The following GPATCH1 variants were observed in gnomAD, a reference collection of about 807,000 sequenced individuals.
GPATCH1 encodes the protein G-patch domain containing 1, also known as G patch domain-containing protein 1.
A neutral mutation model predicts 114.9 loss-of-function variants in GPATCH1; 73 were observed. That is an observed-to-expected ratio of 0.64 (90% confidence interval 0.53 to 0.77). The LOEUF (loss-of-function observed/expected upper bound fraction) is 0.77, where lower values mean the gene tolerates loss of function less well. GPATCH1 is among the 30% of genes least tolerant of loss of function. GPATCH1 has a pLI of 0.00. For synonymous variants in GPATCH1, 391 were observed against 428.4 expected, an observed-to-expected ratio of 0.91 and a Z score of 1.08; for missense variants, 1,058 against 1,144.3, an observed-to-expected ratio of 0.92 and a Z score of 1.09.
At chr19:33,098,625 G>A (rs1204500064) in intron 8 of GPATCH1, among the ~76,000 whole-genome samples, 5 of 152,174 alleles carry the variant, frequency 3.3e-5, no homozygotes, top group Admixed American at 2.0e-4. Context: ...ACCTCTCTGG[G>A]CATTGGAGTC....
At chr19:33,103,637 G>A (rs1319312811) in intron 9 of GPATCH1, among the ~76,000 whole-genome samples, 1 of 152,108 alleles carries the variant, frequency 6.6e-6, no homozygotes, top group Non-Finnish European at 1.5e-5. Flanking sequence ...GAAGGTGGAG[G>A]TTGCAGTGAG....
At chr19:33,111,942 A>G in intron 12 of GPATCH1, 40 bp downstream of exon 12, 7 of 1,485,748 alleles carry the variant, frequency 4.7e-6, no homozygotes, top group Non-Finnish European at 6.5e-6. Flanking sequence ...GAACTTTAAT[A>G]TTAAAGCACT....
chr19:33,105,442 G>GAA (rs1174493899), intron 9 of GPATCH1, among the ~76,000 whole-genome samples: 1 of 147,896 alleles, frequency 6.8e-6, no homozygotes, highest in Non-Finnish European at 1.5e-5. Flanking sequence ...AAAGAAAAAA[G>GAA]AAAGCCCGAA....
chr19:33,115,848 T>C (rs1972911334), intron 15 of GPATCH1, among the ~76,000 whole-genome samples: 1 of 152,236 alleles, frequency 6.6e-6, no homozygotes, highest in African/African-American at 2.4e-5. Context: ...AAATACATTT[T>C]GATAATTTAT....
chr19:33,125,047 T>C, intron 17 of GPATCH1, 58 bp from the exon 18 acceptor site: 1 of 1,545,544 alleles, frequency 6.5e-7, no homozygotes, highest in South Asian at 1.2e-5. Context: ...AGCTTAGTTT[T>C]GGATAGTCTT....
rs1306616489 is a variant in GPATCH1, at chr19:33,095,793, AC to A, written c.590del (p.Pro197LeufsTer19). 1 of 1,611,322 alleles carries A rather than the reference AC, an allele frequency of 6.2e-7. No individual in the cohort carries two copies. The highest frequency in any genetic ancestry group is 8.5e-7 in the Non-Finnish European group (1 of 1,177,708). ...PGVKIYGCAL[P>X]PGSSEGSEGE... ...GAGTCAAAATCTATGGCTGTGCATT[AC>A]CCCCTGGAAGCTCGGAAGGATCTGA... On this transcript the variant is annotated frameshift_variant, in exon 6 of 20. Coordinates refer to ENST00000170564, the MANE Select transcript of GPATCH1 (RefSeq NM_018025.3). LOFTEE classifies it high-confidence loss of function.
At chr19:33,120,382 A>G (rs1345188791) in intron 17 of GPATCH1, among the ~76,000 whole-genome samples, 2 of 146,926 alleles carry the variant, frequency 1.4e-5, no homozygotes, top group African/African-American at 2.5e-5. Context: ...ATAAAAATAT[A>G]AAATATAAAA....
At chr19:33,114,622 A>G (rs1205180924) in intron 15 of GPATCH1, among the ~76,000 whole-genome samples, 1 of 152,176 alleles carries the variant, frequency 6.6e-6, no homozygotes, top group Non-Finnish European at 1.5e-5. Flanking sequence ...TTTTGTGTGA[A>G]TATAAGTTTT....
Position 33,088,111 on chromosome 19 carries a change from ACT to A in GPATCH1, c.74-22_74-21del, listed in dbSNP as rs1491091888. The A allele has an allele frequency of 1.6e-4, 200 of 1,228,016 alleles. No homozygotes were observed. In the African/African-American group the frequency reaches 3.0e-3, roughly 18 times the overall value. 76.1% of individuals were successfully genotyped at this position (1,228,016 alleles called of 1,614,324 possible). ...ATCTCCTCTCTTTTTCATTTAAAAAACTTTTTTTTTTTTTTTTTTTAGGTGAA... is the reference window on the plus strand; with the variant it reads ...ATCTCCTCTCTTTTTCATTTAAAAAATTTTTTTTTTTTTTTTTTAGGTGAA... On this transcript the variant is annotated intron_variant, in intron 1 of 19. Transcript: ENST00000170564.
At chr19:33,086,834 C>T (rs975758987) in intron 1 of GPATCH1, among the ~76,000 whole-genome samples, 6 of 151,946 alleles carry the variant, frequency 3.9e-5, no homozygotes, top group African/African-American at 9.6e-5. Flanking sequence ...CTTGGCTGGA[C>T]GCGGTCGCTC....
rs1344072888 is a variant in GPATCH1, at chr19:33,113,840, A to G, written c.1966A>G (p.Thr656Ala). 1.9e-6 allele frequency: 3 copies of G among 1,614,036 alleles called. No homozygotes were observed. In the Admixed American group the frequency reaches 5.0e-5, roughly 27 times the overall value. Reference sequence around the variant, plus strand: ...CTTCAACTTTCTGACGCTCCCAGAGACAGCTTCCTTGCCCACCACTCAAGC... The same window carrying G: ...CTTCAACTTTCTGACGCTCCCAGAGGCAGCTTCCTTGCCCACCACTCAAGC... Reference protein sequence around the residue: ...SVFNFLTLPETASLPTTQASS... With the variant: ...SVFNFLTLPEAASLPTTQASS... The change falls in exon 14 of 20, where the codon ACA becomes GCA. Residue 656 changes from threonine (T) to alanine (A), a missense_variant. Physicochemically the swap from Thr to Ala is moderately conservative, Grantham distance 58. Transcript: ENST00000170564.
intron 5 of GPATCH1, among the ~76,000 whole-genome samples, chr19:33,095,257 GTTTTTTTTTTTTT>G (rs940614947): frequency 9.2e-6 from 1 of 109,270 alleles, no homozygotes; most frequent in Admixed American, 1.0e-4. Flanking sequence ...TATCAGTGAG[GTTTTTTTTTTTTT>G]TTTTTTTTTT....
At chr19:33,111,039 C>T (rs1268195592) in intron 11 of GPATCH1, among the ~76,000 whole-genome samples, 2 of 148,978 alleles carry the variant, frequency 1.3e-5, no homozygotes, top group Non-Finnish European at 3.0e-5. Flanking sequence ...TTTTTTTGAA[C>T]GGAGTCTTGC....
chr19:33,124,494 T>C (rs1464413991), intron 17 of GPATCH1, among the ~76,000 whole-genome samples: 4 of 152,162 alleles, frequency 2.6e-5, no homozygotes, highest in Non-Finnish European at 5.9e-5. Flanking sequence ...GTTTTGATGG[T>C]AGTTTTTTCA....
At chr19:33,095,689 A>G (rs1441522700) in intron 5 of GPATCH1, 73 bp from the exon 6 acceptor site, 2 of 1,006,538 alleles carry the variant, frequency 2.0e-6, no homozygotes, top group South Asian at 2.5e-5. Flanking sequence ...GGTGTGATCC[A>G]CCGCGCCCGG....
rs1211731881 is a variant in GPATCH1 at position 33,119,998 on chromosome 19, TTATATTTTA to T, written c.2521+898_2521+906del. Among the ~76,000 whole-genome samples, 547 of 143,096 alleles carry T rather than the reference TTATATTTTA, an allele frequency of 3.8e-3. 2 individuals are homozygous for T. The highest frequency in any genetic ancestry group is 0.013 in the African/African-American group (500 of 39,438). 93.9% of individuals were successfully genotyped at this position (143,096 alleles called of 152,430 possible). A position where few individuals can be genotyped will look rare whatever the true frequency, so the allele number is the denominator to read the frequency against. On this transcript the variant is annotated intron_variant, in intron 17 of 19. Transcript: ENST00000170564. ...TTTATATATTTTATATATTTATATA[TTATATTTTA>T]TATATTTTATATATTTATATATTTA... is the stretch of plus-strand genomic sequence containing the variant.
At chr19:33,088,010 G>T in intron 1 of GPATCH1, 124 bp from the exon 2 acceptor site, 2 of 551,866 alleles carry the variant, frequency 3.6e-6, no homozygotes, top group Non-Finnish European at 6.2e-6. Context: ...CAATTTAAAT[G>T]ATTATATTTG....
At position 33,118,000 on chromosome 19, in the gene GPATCH1, C is replaced by T. The variant is rs768589456; in HGVS notation, c.2372C>T (p.Ser791Phe). Residue 791 changes from serine to phenylalanine, a missense_variant, in exon 16 of 20, where the codon TCC becomes TTC. Transcript: ENST00000170564. ...TCTGGGGAGGCCAACTTCCAAAGCTCCCAAGACACTGACTTGGGGGAAACA... is the reference window on the plus strand; with the variant it reads ...TCTGGGGAGGCCAACTTCCAAAGCTTCCAAGACACTGACTTGGGGGAAACA... Reference protein sequence around the residue: ...AGSGEANFQSSQDTDLGETSS... With the variant: ...AGSGEANFQSFQDTDLGETSS... 6 of 1,613,624 alleles carry T rather than the reference C, an allele frequency of 3.7e-6. No homozygotes were observed. The highest frequency in any genetic ancestry group is 3.3e-5 in the Admixed American group (2 of 59,948).
At chr19:33,099,863 C>G (rs533086867) in intron 8 of GPATCH1, among the ~76,000 whole-genome samples, 1 of 151,446 alleles carries the variant, frequency 6.6e-6, no homozygotes, top group Non-Finnish European at 1.5e-5. Flanking sequence ...CTATGCCTCC[C>G]GGGTTCAAGC....
Sources: allele counts gnomAD v4.1 joint callset (sites outside exome capture counted in the v4.1 genomes callset), GRCh38; gene constraint gnomAD v4.1.1; transcripts MANE v1.5; gene names NCBI Gene and HGNC (gene_info 2026-07-23, HGNC 2026-07-21).